The following GPR78 variants were observed in gnomAD, a reference collection of about 807,000 sequenced individuals.
The protein encoded by GPR78 is G protein-coupled receptor 78.
GPR78 carries 29 observed loss-of-function variants against 17.9 expected under a neutral mutation model. The ratio of observed to expected loss-of-function variants is 1.62; its 90% CI spans 1.20 to 2.21. The LOEUF is 2.21. GPR78 is among the 30% of genes most tolerant of loss of function. GPR78 has a pLI of 0.00. For synonymous variants in GPR78, 349 were observed against 256.9 expected, an observed-to-expected ratio of 1.36 and a Z score of -3.43; for missense variants, 649 against 530.5, an observed-to-expected ratio of 1.22 and a Z score of -2.19.
rs755167168 is a variant in GPR78 at position 8,581,339 on chromosome 4, A to G, written c.357A>G (p.Arg119=). 1.9e-6 allele frequency: 3 copies of G among 1,577,060 alleles called. No homozygotes were observed. The highest frequency in any genetic ancestry group is 2.3e-5 in the East Asian group (1 of 44,200). ...CACTGCGCTACGCCGGACGCCTGCG[A>G]CCGCGCTATGCCGGCCTGCTGCTGG... ...GFPLRYAGRL[R]PRYAGLLLGC... The change falls in exon 1 of 3, where the codon CGA becomes CGG. Residue 119 remains arginine, a synonymous_variant. Transcript: ENST00000382487.
In GPR78 at chr4:8,587,176, G is replaced by A. The variant is rs368485565; in HGVS notation, c.905G>A (p.Arg302His). The part of the protein sequence containing the change: ...FTYSLLRRPF[R>H]QVLAGMVHRL... ...TACTCTCTGCTCCGCCGGCCGTTCCGCCAAGTCCTGGCCGGCATGGTGCAC... is the reference window on the plus strand; with the variant it reads ...TACTCTCTGCTCCGCCGGCCGTTCCACCAAGTCCTGGCCGGCATGGTGCAC... The change falls in exon 3 of 3, where the codon CGC becomes CAC. Residue 302 changes from arginine (R) to histidine (H), a missense_variant. Coordinates refer to ENST00000382487, the MANE Select transcript of GPR78 (RefSeq NM_080819.5). The A allele has an allele frequency of 4.1e-5, 66 of 1,613,178 alleles. No homozygotes were observed. Among genetic ancestry groups the A allele is most frequent in the Middle Eastern group, 1.6e-4 (1 of 6,062 alleles).
At position 8,589,274 on chromosome 4, in the gene GPR78, T is replaced by C. The variant is rs1713648530; in HGVS notation, c.*1911T>C. Reference sequence around the variant, plus strand: ...GTAATTCAAATAAAACAAATTATCGTTTGGAATAATAACAACTATAGGTAT... The same window carrying C: ...GTAATTCAAATAAAACAAATTATCGCTTGGAATAATAACAACTATAGGTAT... On this transcript the variant is annotated 3_prime_UTR_variant, in exon 3 of 3. Coordinates refer to ENST00000382487, the MANE Select transcript of GPR78 (RefSeq NM_080819.5). Among the ~76,000 whole-genome samples, 1 of 152,112 alleles carries C rather than the reference T, an allele frequency of 6.6e-6. No individual in the cohort carries two copies. The highest frequency in any genetic ancestry group is 6.5e-5 in the Admixed American group (1 of 15,274).
chr4:8,580,695 T>G lies in GPR78; in HGVS notation c.-288T>G, dbSNP rs1713233953. ...CCTCGCTTCAGCCTCAGGACAGTCCTGCCGGGACGGTGAGCGCATTCAGCA... is the reference window on the plus strand; with the variant it reads ...CCTCGCTTCAGCCTCAGGACAGTCCGGCCGGGACGGTGAGCGCATTCAGCA... On this transcript the variant is annotated 5_prime_UTR_variant, in exon 1 of 3. Coordinates refer to ENST00000382487, the MANE Select transcript of GPR78 (RefSeq NM_080819.5). 2 of 501,184 alleles carry G rather than the reference T, an allele frequency of 4.0e-6. No individual in the cohort carries two copies. The highest frequency in any genetic ancestry group is 2.0e-5 in the African/African-American group (1 of 49,010). 31.0% of individuals were successfully genotyped at this position (501,184 alleles called of 1,614,324 possible).
At chr4:8,585,079 G>C (rs1430887436) in intron 2 of GPR78, among the ~76,000 whole-genome samples, 1 of 152,198 alleles carries the variant, frequency 6.6e-6, no homozygotes. Context: ...GAGTTTTACT[G>C]ACTCAATCAG....
chr4:8,583,792 C>T (rs1457999303), intron 2 of GPR78, among the ~76,000 whole-genome samples: 3 of 152,204 alleles, frequency 2.0e-5, no homozygotes, highest in Non-Finnish European at 2.9e-5. Flanking sequence ...GCCAGGTTCC[C>T]TCTGAGCTCT....
chr4:8,583,325 G>A (rs916973065), intron 2 of GPR78, among the ~76,000 whole-genome samples: 11 of 152,136 alleles, frequency 7.2e-5, no homozygotes, highest in African/African-American at 2.7e-4. Flanking sequence ...GTTAGAGGGA[G>A]GCAGGTTGTT....
At position 8,580,763 on chromosome 4, in the gene GPR78, G is replaced by T. The variant is rs571795018; in HGVS notation, c.-220G>T. 1.6e-4 allele frequency: 89 copies of T among 571,854 alleles called. No individual in the cohort carries two copies. The African/African-American group carries it at 1.7e-3, about 11-fold the overall frequency. The allele number at this position is 571,854 out of a possible 1,614,324, so 35.4% of individuals were successfully genotyped here. On this transcript the variant is annotated 5_prime_UTR_variant, in exon 1 of 3. Transcript: ENST00000382487. ...GTTGCGCTGCCTCCAGGGCGGCCCC[G>T]GGCTGCTCCTGCTCCGCAGAGCTAC...
At chr4:8,586,711 C>T (rs1713522178) in intron 2 of GPR78, among the ~76,000 whole-genome samples, 1 of 152,182 alleles carries the variant, frequency 6.6e-6, no homozygotes, top group African/African-American at 2.4e-5. Context: ...GTTGTGTGTG[C>T]AGGTGTCCGC....
intron 2 of GPR78, among the ~76,000 whole-genome samples, chr4:8,583,784 C>T (rs1355269832): frequency 6.6e-6 from 1 of 152,202 alleles, no homozygotes; most frequent in Non-Finnish European, 1.5e-5. Flanking sequence ...TCCTGCCTGC[C>T]AGGTTCCCTC....
In GPR78 at chr4:8,587,479, A is replaced by G. The variant is rs10938724; in HGVS notation, c.*116A>G. The G allele has an allele frequency of 0.14, 141,999 of 993,120 alleles. 13,168 individuals are homozygous for G. Among genetic ancestry groups the G allele is most frequent in the African/African-American group, 0.41 (24,936 of 61,270 alleles). 61.5% of individuals were successfully genotyped at this position (993,120 alleles called of 1,614,324 possible). A position where few individuals can be genotyped will look rare whatever the true frequency, so the allele number is the denominator to read the frequency against. On this transcript the variant is annotated 3_prime_UTR_variant, in exon 3 of 3. Transcript: ENST00000382487. Reference sequence around the variant, plus strand: ...GACACCAGTGGCTTGACTTTGAGCTAAGGCTGAAGTACAGGAGGAGGAGGA... The same window carrying G: ...GACACCAGTGGCTTGACTTTGAGCTGAGGCTGAAGTACAGGAGGAGGAGGA...
intron 2 of GPR78, among the ~76,000 whole-genome samples, chr4:8,586,819 GC>G (rs1279587139): frequency 3.9e-5 from 6 of 152,218 alleles, no homozygotes; most frequent in African/African-American, 1.4e-4. Flanking sequence ...CTGAGCACCT[GC>G]TGTGTGGTAT....
Position 8,581,546 on chromosome 4 carries a change from C to G in GPR78, c.564C>G (p.Leu188=), listed in dbSNP as rs1713287225. The change falls in exon 1 of 3, where the codon CTC becomes CTG. Residue 188 remains leucine (L), a synonymous_variant. Coordinates refer to ENST00000382487, the MANE Select transcript of GPR78 (RefSeq NM_080819.5). Reference sequence around the variant, plus strand: ...GCTTCGTGCTGCCGCTGGCGGTGCTCTGCCTCACCTCGCTCCAGGTGCACC... The same window carrying G: ...GCTTCGTGCTGCCGCTGGCGGTGCTGTGCCTCACCTCGCTCCAGGTGCACC... ...AVGFVLPLAV[L]CLTSLQVHRV... is the part of the protein sequence containing the mutation. 1 of 1,586,228 alleles carries G rather than the reference C, an allele frequency of 6.3e-7. No homozygotes were observed. The highest frequency in any genetic ancestry group is 8.5e-7 in the Non-Finnish European group (1 of 1,174,212).
rs28567373 is a variant in GPR78 at position 8,589,349 on chromosome 4, A to G, written c.*1986A>G. On this transcript the variant is annotated 3_prime_UTR_variant, in exon 3 of 3. Transcript: ENST00000382487. Reference sequence around the variant, plus strand: ...TTAAAATACAGACCTGGCCAGTTCAATCCAACCCAGGGGTTCCAAGCAGGA... The same window carrying G: ...TTAAAATACAGACCTGGCCAGTTCAGTCCAACCCAGGGGTTCCAAGCAGGA... Among the ~76,000 whole-genome samples the G allele has an allele frequency of 0.021, 3,166 of 152,192 alleles. 113 individuals carry two copies. Among genetic ancestry groups the G allele is most frequent in the African/African-American group, 0.072 (2,996 of 41,498 alleles).
At chr4:8,582,778 C>T (rs868285652) in intron 2 of GPR78, 134 bp downstream of exon 2, 27 of 667,180 alleles carry the variant, frequency 4.0e-5, no homozygotes, top group Middle Eastern at 2.4e-4. Context: ...CCACACCTGA[C>T]GGGCTCAGGG....
chr4:8,582,444 T>A (rs1039838280), intron 1 of GPR78, 87 bp from the exon 2 acceptor site: 1 of 832,728 alleles, frequency 1.2e-6, no homozygotes, highest in South Asian at 1.5e-5. Context: ...AACCCTCCTG[T>A]CTGCCCTCAC....
intron 2 of GPR78, among the ~76,000 whole-genome samples, chr4:8,585,601 CACTT>C (rs1186655791): frequency 6.6e-6 from 1 of 152,182 alleles, no homozygotes; most frequent in Non-Finnish European, 1.5e-5. Flanking sequence ...TCCGGACTAT[CACTT>C]ACTGTAACTG....
chr4:8,582,287 G>C (rs899828471), intron 1 of GPR78, among the ~76,000 whole-genome samples: 1 of 152,132 alleles, frequency 6.6e-6, no homozygotes, highest in Non-Finnish European at 1.5e-5. Flanking sequence ...GTGTGGAGAA[G>C]GATGAGCCAG....
Position 8,587,340 on chromosome 4 carries a change from T to A in GPR78, c.1069T>A (p.Ser357Thr), listed in dbSNP as rs757449379. The change falls in exon 3 of 3, where the codon TCC becomes ACC. Residue 357 changes from serine to threonine, a missense_variant. Physicochemically the swap from Ser to Thr is moderately conservative, Grantham distance 58 (BLOSUM62 1). Coordinates refer to ENST00000382487, the MANE Select transcript of GPR78 (RefSeq NM_080819.5). ...HNGSVDTEND[S>T]CLQQTH Reference sequence around the variant, plus strand: ...CGGCTCTGTGGACACAGAGAATGATTCCTGCCTGCAGCAGACACACTGAGG... The same window carrying A: ...CGGCTCTGTGGACACAGAGAATGATACCTGCCTGCAGCAGACACACTGAGG... The A allele has an allele frequency of 6.2e-7, 1 of 1,612,864 alleles. No homozygotes were observed. The highest frequency in any genetic ancestry group is 1.7e-5 in the Admixed American group (1 of 60,024).
intron 2 of GPR78, among the ~76,000 whole-genome samples, chr4:8,585,352 T>C (rs1713461526): frequency 6.6e-6 from 1 of 152,200 alleles, no homozygotes; most frequent in African/African-American, 2.4e-5. Context: ...ACCTGCACCG[T>C]GGCTTAACTA....
Sources: allele counts gnomAD v4.1 joint callset (sites outside exome capture counted in the v4.1 genomes callset), GRCh38; gene constraint gnomAD v4.1.1; transcripts MANE v1.5; gene names NCBI Gene and HGNC (gene_info 2026-07-23, HGNC 2026-07-21).